The following MPP2 variants were observed in gnomAD, a reference collection of about 807,000 sequenced individuals.
MPP2 encodes the protein MAGUK p55 subfamily member 2.
MPP2 carries 42 observed loss-of-function variants against 58.5 expected under a neutral mutation model. That is an observed-to-expected ratio of 0.72 (90% CI 0.56 to 0.93). MPP2 has a LOEUF of 0.93. MPP2 is among the 40% of genes least tolerant of loss of function. MPP2 has a pLI of 0.00. For missense variants in MPP2, 632 were observed against 760.4 expected, an observed-to-expected ratio of 0.83 and a Z score of 1.99; for synonymous variants, 300 against 307.8, an observed-to-expected ratio of 0.97 and a Z score of 0.26.
At chr17:43,878,413 A>AC (rs1202729231) in intron 12 of MPP2, among the ~76,000 whole-genome samples, 1 of 152,172 alleles carries the variant, frequency 6.6e-6, no homozygotes, top group African/African-American at 2.4e-5. Flanking sequence ...ACAGGCTGGT[A>AC]CCAGGGCAAT....
upstream of MPP2, among the ~76,000 whole-genome samples, chr17:43,909,311 C>T (rs553118354): frequency 6.6e-6 from 1 of 152,218 alleles, no homozygotes; most frequent in Non-Finnish European, 1.5e-5. Context: ...GGTGATCTGC[C>T]CACCTCAGCC....
Position 43,879,288 on chromosome 17 carries a change from G to A in MPP2, c.1469C>T (p.Thr490Ile), listed in dbSNP as rs2046989679. 1 of 1,612,914 alleles carries A rather than the reference G, an allele frequency of 6.2e-7. No individual in the cohort carries two copies. The highest frequency in any genetic ancestry group is 8.5e-7 in the Non-Finnish European group (1 of 1,179,024). Residue 490 changes from threonine (T) to isoleucine (I), a missense_variant, in exon 12 of 13, where the codon ACC becomes ATC. Transcript: ENST00000269095. This position sits in a 1 kb window ranked among gnomAD's most constrained non-coding sequence, Gnocchi z 4.1. ...NRAALESGIS[T>I]KQLTEADLRR... ...CAGAGCCCTCACCGTGAGCTGCTTGGTGGATATTCCACTCTCCAGCGCAGC... is the reference window on the plus strand; with the variant it reads ...CAGAGCCCTCACCGTGAGCTGCTTGATGGATATTCCACTCTCCAGCGCAGC...
chr17:43,907,881 G>T, upstream of MPP2: 3 of 985,406 alleles, frequency 3.0e-6, no homozygotes, highest in Non-Finnish European at 2.4e-6. Flanking sequence ...TTAGACCGGC[G>T]TTCTAGTTCC....
Position 43,881,443 on chromosome 17 carries a change from G to C in MPP2, c.813+15C>G. 1 of 1,613,992 alleles carries C rather than the reference G, an allele frequency of 6.2e-7. No homozygotes were observed. Among genetic ancestry groups the C allele is most frequent in the Non-Finnish European group, 8.5e-7 (1 of 1,179,948 alleles). ...GCACCATACCTGGAGAGATGCGGGG[G>C]TGCCCGCAGCTCACCTGCCACCAGT... On this transcript the variant is annotated intron_variant, in intron 7 of 12. Coordinates refer to ENST00000269095, the MANE Select transcript of MPP2 (RefSeq NM_005374.5).
intron 1 of MPP2, chr17:43,905,598 A>C (rs2048258365): frequency 6.6e-6 from 1 of 152,344 alleles, no homozygotes; most frequent in Non-Finnish European, 1.5e-5. Flanking sequence ...CTGCTGGATA[A>C]AACCCTAATT....
chr17:43,879,900 C>T lies in MPP2; in HGVS notation c.1235G>A (p.Arg412His), dbSNP rs747694796. ...GCCATGCTCCAGGTAGCGCCCAGCA[C>T]GGACGTCAGCCTCCATCTCCCCACG... The part of the protein sequence containing the change: ...VSRGEMEADV[R>H]AGRYLEHGEY... Residue 412 changes from arginine to histidine, a missense_variant, in exon 11 of 13, where the codon CGT (arginine) becomes CAT (histidine). Physicochemically the swap from Arg to His is conservative, Grantham distance 29. Coordinates refer to ENST00000269095, the MANE Select transcript of MPP2 (RefSeq NM_005374.5). This position sits in a 1 kb window ranked among gnomAD's most constrained non-coding sequence, Gnocchi z 4.1. 1.2e-5 allele frequency: 19 copies of T among 1,613,920 alleles called. No homozygotes were observed. The highest frequency in any genetic ancestry group is 2.7e-5 in the African/African-American group (2 of 74,856).
rs1279529389 is a variant in MPP2, at chr17:43,882,226, C to T, written c.681+58G>A. 4 of 1,501,452 alleles carry T rather than the reference C, an allele frequency of 2.7e-6. No individual in the cohort carries two copies. In the African/African-American group the frequency reaches 4.1e-5, roughly 15 times the overall value. 93.0% of individuals were successfully genotyped at this position (1,501,452 alleles called of 1,614,324 possible). On this transcript the variant is annotated intron_variant, in intron 6 of 12. Coordinates refer to ENST00000269095, the MANE Select transcript of MPP2 (RefSeq NM_005374.5). ...AGGAGGGCCTCCGTGAGACCTGCAACCTTGACAGCCAGGAGGCTCAGCCAT... is the reference window on the plus strand; with the variant it reads ...AGGAGGGCCTCCGTGAGACCTGCAATCTTGACAGCCAGGAGGCTCAGCCAT...
At chr17:43,902,466 G>C (rs138751555) in intron 2 of MPP2, among the ~76,000 whole-genome samples, 352 of 152,330 alleles carry the variant, frequency 2.3e-3, no homozygotes, top group Non-Finnish European at 4.1e-3. Flanking sequence ...TTACAGTGGG[G>C]CCTAGGCAGG....
intron 2 of MPP2, chr17:43,900,634 G>A: frequency 3.5e-6 from 5 of 1,448,976 alleles, no homozygotes; most frequent in Non-Finnish European, 4.6e-6. Flanking sequence ...TGGCCGGGCT[G>A]GGGAAGGCGG....
rs2047098229 is a variant in MPP2, at chr17:43,881,177, G to A, written c.920-19C>T. On this transcript the variant is annotated intron_variant, in intron 8 of 12. Transcript: ENST00000269095. ...AGGGTCCCTGGCCATAGGGAGATGG[G>A]TGAGTGAGGCAGACAGGGCCCTGTT... The A allele has an allele frequency of 3.1e-6, 5 of 1,614,004 alleles. No homozygotes were observed. The highest frequency in any genetic ancestry group is 3.3e-4 in the Middle Eastern group (2 of 6,062).
At chr17:43,909,417 G>A (rs2048383178), upstream of MPP2, 1 of 517,972 alleles carries the variant, frequency 1.9e-6, no homozygotes, top group Admixed American at 4.3e-5. Flanking sequence ...CCATTATAAA[G>A]GCTACCCTCC....
In MPP2 at chr17:43,889,845, CT is replaced by C. The variant is rs374020686; in HGVS notation, c.151-6491del. On this transcript the variant is annotated intron_variant, in intron 3 of 12. Coordinates refer to ENST00000269095, the MANE Select transcript of MPP2 (RefSeq NM_005374.5). ...TTTTTTTTTTTGAGACAGAGTCTCA[CT>C]CTGTTGCCCAGGCTGGAGTGCAGTG... is the stretch of plus-strand genomic sequence containing the variant. 3.3e-3 allele frequency among the ~76,000 whole-genome samples: 459 copies of C among 139,664 alleles called. 1 individual carries two copies. The highest frequency in any genetic ancestry group is 0.022 in the Middle Eastern group (6 of 270). 91.6% of individuals were successfully genotyped at this position (139,664 alleles called of 152,430 possible).
At position 43,881,307 on chromosome 17, in the gene MPP2, G is replaced by T; in HGVS notation, c.856C>A (p.Gln286Lys). ...GCTTTCCGCTTCTCCTCCAGCAGCTGGCTGGGAATGAGCCCAGCACTGCCC... is the reference window on the plus strand; with the variant it reads ...GCTTTCCGCTTCTCCTCCAGCAGCTTGCTGGGAATGAGCCCAGCACTGCCC... Reference protein sequence around the residue: ...EGGSAGLIPSQLLEEKRKAFV... With the variant: ...EGGSAGLIPSKLLEEKRKAFV... The change falls in exon 8 of 13, where the codon CAG becomes AAG. Residue 286 changes from glutamine (Q) to lysine (K), a missense_variant. By Grantham distance (53) the Gln-to-Lys change is moderately conservative (BLOSUM62 1). Coordinates refer to ENST00000269095, the MANE Select transcript of MPP2 (RefSeq NM_005374.5). The T allele has an allele frequency of 6.2e-7, 1 of 1,614,074 alleles. No homozygotes were observed. The highest frequency in any genetic ancestry group is 8.5e-7 in the Non-Finnish European group (1 of 1,180,002).
chr17:43,902,326 G>A (rs1482715589), intron 2 of MPP2, among the ~76,000 whole-genome samples: 1 of 152,028 alleles, frequency 6.6e-6, no homozygotes, highest in East Asian at 1.9e-4. Flanking sequence ...CAACAACGAA[G>A]CCAAATTGCT....
At position 43,877,905 on chromosome 17, in the gene MPP2, C is replaced by T. The variant is rs1381835039; in HGVS notation, c.1561G>A (p.Val521Ile). The change falls in exon 13 of 13, where the codon GTC becomes ATC. Residue 521 changes from valine to isoleucine, a missense_variant. By Grantham distance (29) the Val-to-Ile change is conservative. Transcript: ENST00000269095. ...GYGHYFDLCL[V>I]NSNLERTFRE... Reference sequence around the variant, plus strand: ...AAGGTCCTCTCCAGGTTGCTATTGACCAGGCAGAGGTCAAAGTAGTGCCCG... The same window carrying T: ...AAGGTCCTCTCCAGGTTGCTATTGATCAGGCAGAGGTCAAAGTAGTGCCCG... The T allele has an allele frequency of 6.2e-7, 1 of 1,613,986 alleles. No homozygotes were observed. The highest frequency in any genetic ancestry group is 8.5e-7 in the Non-Finnish European group (1 of 1,179,972).
chr17:43,907,431 GGT>G (rs2048334419), intron 1 of MPP2, 41 bp downstream of exon 1: 2 of 985,530 alleles, frequency 2.0e-6, no homozygotes, highest in Non-Finnish European at 2.4e-6. Context: ...AGAAGGCGGA[GGT>G]CTTGGGATAG....
At chr17:43,882,610 C>G in intron 5 of MPP2, 99 bp from the exon 6 acceptor site, 1 of 1,087,010 alleles carries the variant, frequency 9.2e-7, no homozygotes, top group Non-Finnish European at 1.3e-6. Context: ...CCCTACCCAC[C>G]CACCCCCACC....
In MPP2 at chr17:43,878,797, G is replaced by A. The variant is rs1018345682; in HGVS notation, c.1482+478C>T. Among the ~76,000 whole-genome samples the A allele has an allele frequency of 1.4e-4, 22 of 152,344 alleles. 1 individual carries two copies. The highest frequency in any genetic ancestry group is 5.1e-4 in the African/African-American group (21 of 41,578). Reference sequence around the variant, plus strand: ...AAGACATAGGAAGGAGGATGGGGCTGGAGTTCTGCAATGAGGCCTTGAAGC... The same window carrying A: ...AAGACATAGGAAGGAGGATGGGGCTAGAGTTCTGCAATGAGGCCTTGAAGC... On this transcript the variant is annotated intron_variant, in intron 12 of 12. Coordinates refer to ENST00000269095, the MANE Select transcript of MPP2 (RefSeq NM_005374.5).
rs560616159 is a variant in MPP2 at position 43,906,191 on chromosome 17, T to C, written c.-34+1283A>G. On this transcript the variant is annotated intron_variant, in intron 1 of 12. Transcript: ENST00000269095. The stretch of plus-strand genomic sequence containing the variant: ...GCGGGAAAAGGCAGGGAGGATCCTG[T>C]ATGAAATCCCTGCGCTCGGAAGTCT... 1.1e-5 allele frequency: 10 copies of C among 940,776 alleles called. No homozygotes were observed. The African/African-American group carries it at 1.2e-4, about 12-fold the overall frequency. The allele number at this position is 940,776 out of a possible 1,614,324, so 58.3% of individuals were successfully genotyped here. A position where few individuals can be genotyped will look rare whatever the true frequency, so the allele number is the denominator to read the frequency against.
Sources: allele counts gnomAD v4.1 joint callset (sites outside exome capture counted in the v4.1 genomes callset), GRCh38; gene constraint gnomAD v4.1.1; non-coding constraint Gnocchi (gnomAD v3.1); transcripts MANE v1.5; gene names NCBI Gene and HGNC (gene_info 2026-07-23, HGNC 2026-07-21).